The following SYNE2 variants were observed in gnomAD, a reference collection of about 807,000 sequenced individuals.
The protein encoded by SYNE2 is nesprin-2.
Under a neutral mutation model 856.3 loss-of-function variants are expected in SYNE2, and 431 were observed. The ratio of observed to expected loss-of-function variants is 0.50; its 90% confidence interval spans 0.47 to 0.55. The LOEUF is 0.55. SYNE2 is among the 20% of genes least tolerant of loss of function. The pLI is 0.00. For synonymous variants in SYNE2, 2,923 were observed against 2,872.3 expected (o/e 1.02, Z -0.56); for missense variants, 8,129 against 8,023.2 (o/e 1.01, Z -0.50).
At position 64,027,604 on chromosome 14, in the gene SYNE2, G is replaced by C; in HGVS notation, c.6525G>C (p.Leu2175=). 6.2e-7 allele frequency: 1 copy of C among 1,614,092 alleles called. No homozygotes were observed. The highest frequency in any genetic ancestry group is 8.5e-7 in the Non-Finnish European group (1 of 1,180,000). ...QEAGFALQHG[L]QEKKAQLKIY... is the part of the protein sequence containing the mutation. ...CAGGCTTTGCTCTACAACATGGTCT[G>C]CAGGAGAAGAAAGCTCAGTTAAAGA... Residue 2175 remains leucine, a synonymous_variant, in exon 43 of 116, where the codon CTG becomes CTC. Transcript: ENST00000555002.
In SYNE2 at chr14:63,998,220, C is replaced by A; in HGVS notation, c.3245C>A (p.Ala1082Glu). 6.2e-7 allele frequency: 1 copy of A among 1,608,620 alleles called. No individual in the cohort carries two copies. The highest frequency in any genetic ancestry group is 8.5e-7 in the Non-Finnish European group (1 of 1,175,048). The change falls in exon 26 of 116, where the codon GCA becomes GAA. Residue 1082 changes from alanine to glutamate, a missense_variant and splice_region_variant. By Grantham distance (107) the Ala-to-Glu change is moderately radical. This residue lies in a region of SYNE2 where 2,422 missense variants were observed against 2,357.4 expected (regional missense o/e 1.03). Transcript: ENST00000555002. ...TTACTATTTTGCATATTCCCTTAGG[C>A]AATGGAACCCACTATGAAGTTTAGC... ...KSDNQPSTEKAMEPTMKFSLA... is the reference protein window; with the variant it reads ...KSDNQPSTEKEMEPTMKFSLA...
At chr14:64,202,352 G>T in intron 99 of SYNE2, 1 of 699,934 alleles carries the variant, frequency 1.4e-6, no homozygotes. Context: ...AGTGAACCAG[G>T]CGTGTAACAT....
At chr14:63,992,538 C>G (rs563012317) in intron 21 of SYNE2, among the ~76,000 whole-genome samples, 2 of 152,306 alleles carry the variant, frequency 1.3e-5, no homozygotes, top group South Asian at 4.1e-4. Context: ...ATGTCGGTCT[C>G]CCAAAGTGCT....
chr14:63,984,954 G>A (rs1255902), intron 18 of SYNE2, among the ~76,000 whole-genome samples: 46,242 of 151,890 alleles, frequency 0.3, 7,259 homozygotes, highest in Middle Eastern at 0.35. Flanking sequence ...GCTCAAGTTC[G>A]AGACCAACCT....
chr14:63,983,657 A>G, intron 17 of SYNE2, 80 bp from the exon 18 acceptor site: 1 of 1,179,654 alleles, frequency 8.5e-7, no homozygotes, highest in Non-Finnish European at 1.2e-6. Flanking sequence ...TGAATATATT[A>G]CATCCACTTA....
At chr14:64,187,313 C>T (rs1001519723) in intron 97 of SYNE2, among the ~76,000 whole-genome samples, 3 of 152,098 alleles carry the variant, frequency 2.0e-5, no homozygotes, top group African/African-American at 4.8e-5. Context: ...GACACGTTCT[C>T]CTTGATTTTA....
intron 38 of SYNE2, 119 bp from the exon 39 acceptor site, chr14:64,024,138 G>T (rs557617924): frequency 1.9e-5 from 15 of 809,534 alleles, no homozygotes; most frequent in Middle Eastern, 3.1e-4. Context: ...CCCTTCTTTC[G>T]TATAGGATCT....
At chr14:63,936,182 C>A (rs1349775716) in intron 2 of SYNE2, among the ~76,000 whole-genome samples, 1 of 152,092 alleles carries the variant, frequency 6.6e-6, no homozygotes, top group African/African-American at 2.4e-5. Flanking sequence ...CCAAAATATT[C>A]TTATTATTTC....
rs1020184790 is a variant in SYNE2 at position 64,215,918 on chromosome 14, C to G, written c.19403-330C>G. The G allele has an allele frequency of 9.3e-6, 12 of 1,295,264 alleles. No homozygotes were observed. The African/African-American group carries it at 1.4e-4, about 15-fold the overall frequency. The allele number at this position is 1,295,264 out of a possible 1,614,324, so 80.2% of individuals were successfully genotyped here. A position where few individuals can be genotyped will look rare whatever the true frequency, so the allele number is the denominator to read the frequency against. ...ATCTTGATGTTCACTCTTCCCCTCACTCCTGAGAGGCCTTCTGCCATCTTG... is the reference window on the plus strand; with the variant it reads ...ATCTTGATGTTCACTCTTCCCCTCAGTCCTGAGAGGCCTTCTGCCATCTTG... On this transcript the variant is annotated intron_variant, in intron 107 of 115. Coordinates refer to ENST00000555002, the MANE Select transcript of SYNE2 (RefSeq NM_182914.3).
intron 1 of SYNE2, among the ~76,000 whole-genome samples, chr14:63,906,309 C>T (rs76668383): frequency 2.0e-5 from 3 of 152,130 alleles, no homozygotes; most frequent in Admixed American, 2.0e-4. Flanking sequence ...TAGGCTGATG[C>T]TGGCTTCATA....
chr14:64,150,321 A>AAAAAAAAAGG (rs766798501), intron 84 of SYNE2, among the ~76,000 whole-genome samples: 1 of 119,418 alleles, frequency 8.4e-6, no homozygotes, highest in African/African-American at 3.2e-5. Flanking sequence ...AAAAAAAAAA[A>AAAAAAAAAGG]GGATCCTCCC....
intron 2 of SYNE2, among the ~76,000 whole-genome samples, chr14:63,935,548 C>T (rs941737693): frequency 1.3e-5 from 2 of 152,122 alleles, no homozygotes; most frequent in African/African-American, 4.8e-5. Context: ...CAAATACCAA[C>T]AATTTCAATT....
At chr14:64,001,907 C>T in intron 28 of SYNE2, 27 bp from the exon 29 acceptor site, 3 of 1,613,806 alleles carry the variant, frequency 1.9e-6, no homozygotes, top group Non-Finnish European at 2.5e-6. Context: ...GTGTTTTCCC[C>T]TCATGTCTGA....
rs769813411 is a variant in SYNE2 at position 64,129,843 on chromosome 14, A to G, written c.14081A>G (p.Asp4694Gly). 1.9e-6 allele frequency: 3 copies of G among 1,614,154 alleles called. No individual in the cohort carries two copies. The highest frequency in any genetic ancestry group is 4.5e-5 in the East Asian group (2 of 44,888). ...NAESRVAKLR[D>G]EGERLHLPYA... is the part of the protein sequence containing the mutation. Reference sequence around the variant, plus strand: ...GAGAGCCGAGTGGCCAAACTAAGAGATGAAGGGGAGAGGCTTCATTTACCT... The same window carrying G: ...GAGAGCCGAGTGGCCAAACTAAGAGGTGAAGGGGAGAGGCTTCATTTACCT... The change falls in exon 75 of 116, where the codon GAT (aspartate) becomes GGT (glycine). Residue 4694 changes from aspartate (D) to glycine (G), a missense_variant. By Grantham distance (94) the Asp-to-Gly change is moderately conservative (BLOSUM62 -1). Transcript: ENST00000555002.
intron 112 of SYNE2, among the ~76,000 whole-genome samples, chr14:64,222,198 C>G (rs2098697600): frequency 6.6e-6 from 1 of 152,146 alleles, no homozygotes; most frequent in Non-Finnish European, 1.5e-5. Flanking sequence ...ATCCATAAAT[C>G]TGTATGTGGT....
intron 28 of SYNE2, among the ~76,000 whole-genome samples, chr14:64,001,007 C>T (rs896252986): frequency 6.6e-6 from 1 of 152,160 alleles, no homozygotes; most frequent in African/African-American, 2.4e-5. Flanking sequence ...CTCTTTTGGG[C>T]ATGAATTCGA....
At chr14:64,182,572 T>A in intron 96 of SYNE2, among the ~76,000 whole-genome samples, 1 of 151,960 alleles carries the variant, frequency 6.6e-6, no homozygotes, top group East Asian at 1.9e-4. Flanking sequence ...GTACTTGAGA[T>A]TAGGGAGTGG....
At chr14:63,935,423 C>G (rs533213741) in intron 2 of SYNE2, among the ~76,000 whole-genome samples, 1 of 152,256 alleles carries the variant, frequency 6.6e-6, no homozygotes, top group East Asian at 1.9e-4. Flanking sequence ...TTGGAAACAC[C>G]ACAAAATTCC....
rs1325147058 is a variant in SYNE2 at position 64,190,226 on chromosome 14, C to T, written c.18027C>T (p.Val6009=). Residue 6009 remains valine, a synonymous_variant, in exon 99 of 116, where the codon GTC becomes GTT. Transcript: ENST00000555002. ...ATCGTTGGCAACATCTTTTTGATGT[C>T]ATCGGATCAAGGTAAGAAATGGGCT... is the stretch of plus-strand genomic sequence containing the variant. The part of the protein sequence containing the change: ...INDRWQHLFD[V]IGSRVKKLKE... 5.0e-6 allele frequency: 8 copies of T among 1,613,848 alleles called. No homozygotes were observed. The highest frequency in any genetic ancestry group is 6.8e-6 in the Non-Finnish European group (8 of 1,180,008).
Sources: gnomAD v4.1 joint callset for allele counts (sites outside exome capture counted in the v4.1 genomes callset) on GRCh38, gnomAD v4.1.1 for gene constraint, gnomAD v4.1.1 regional missense constraint, MANE v1.5 for transcripts, NCBI Gene and HGNC (gene_info 2026-07-23, HGNC 2026-07-21) for gene names.